Variants in THEMIS observed in about 807,000 individuals in gnomAD.
THEMIS encodes the protein thymocyte selection associated, also known as protein THEMIS.
THEMIS carries 37 observed loss-of-function variants against 52.6 expected under a neutral mutation model. That is an observed-to-expected ratio of 0.70 (90% CI 0.54 to 0.93). The LOEUF (loss-of-function observed/expected upper bound fraction) is 0.93. THEMIS is among the 40% of genes least tolerant of loss of function. The pLI, the probability that THEMIS is intolerant of heterozygous loss-of-function variation, is 0.00. For synonymous variants in THEMIS, 292 were observed against 272.7 expected (o/e 1.07, Z -0.70); for missense variants, 808 against 763.1 (o/e 1.06, Z -0.69).
chr6:127,903,615 G>A (rs1342860560), upstream of THEMIS, among the ~76,000 whole-genome samples: 1 of 151,630 alleles, frequency 6.6e-6, no homozygotes, highest in Non-Finnish European at 1.5e-5. Flanking sequence ...ATAGGAAAAT[G>A]TCTGGAAAAG....
intron 4 of THEMIS, among the ~76,000 whole-genome samples, chr6:127,785,872 C>T (rs1000208419): frequency 1.3e-5 from 2 of 151,952 alleles, no homozygotes; most frequent in East Asian, 3.8e-4. Context: ...TTTGAATTAG[C>T]CATTGTAATT....
intron 4 of THEMIS, among the ~76,000 whole-genome samples, chr6:127,758,862 T>C (rs1775923737): frequency 6.6e-6 from 1 of 152,160 alleles, no homozygotes; most frequent in Admixed American, 6.5e-5. Flanking sequence ...AATAAAAGTT[T>C]ACAAGACTTT....
At chr6:127,773,283 C>G (rs891597911) in intron 4 of THEMIS, among the ~76,000 whole-genome samples, 2 of 152,060 alleles carry the variant, frequency 1.3e-5, no homozygotes, top group Non-Finnish European at 2.9e-5. Context: ...TAAAGAATCA[C>G]CATTTTGATC....
At chr6:127,801,917 G>A (rs1315785058) in intron 4 of THEMIS, among the ~76,000 whole-genome samples, 1 of 152,134 alleles carries the variant, frequency 6.6e-6, no homozygotes, top group African/African-American at 2.4e-5. Context: ...AGAGAAATCT[G>A]GAGAACAGGC....
At chr6:127,727,694 T>A (rs1774598605) in intron 4 of THEMIS, among the ~76,000 whole-genome samples, 1 of 152,198 alleles carries the variant, frequency 6.6e-6, no homozygotes, top group African/African-American at 2.4e-5. Flanking sequence ...CTCATCTCAC[T>A]ATTTCTTCAA....
chr6:127,780,966 G>A (rs1776724090), intron 4 of THEMIS, among the ~76,000 whole-genome samples: 1 of 152,080 alleles, frequency 6.6e-6, no homozygotes, highest in Non-Finnish European at 1.5e-5. Flanking sequence ...AAGTTCTCCT[G>A]AATAATATCC....
At chr6:127,766,926 T>C (rs1002291574) in intron 4 of THEMIS, among the ~76,000 whole-genome samples, 1 of 152,134 alleles carries the variant, frequency 6.6e-6, no homozygotes, top group African/African-American at 2.4e-5. Flanking sequence ...CACTGTAAAC[T>C]TTGGCTACAT....
At chr6:127,899,091 A>G (rs1781058075) in intron 1 of THEMIS, among the ~76,000 whole-genome samples, 1 of 151,850 alleles carries the variant, frequency 6.6e-6, no homozygotes, top group Non-Finnish European at 1.5e-5. Context: ...AATTTACTGT[A>G]TATTTCAAAA....
intron 4 of THEMIS, among the ~76,000 whole-genome samples, chr6:127,775,683 G>A (rs1425265657): frequency 2.0e-5 from 3 of 150,758 alleles, no homozygotes; most frequent in Admixed American, 6.6e-5. Context: ...GGCAAAAAAC[G>A]ATCTTCTGTT....
intron 2 of THEMIS, among the ~76,000 whole-genome samples, chr6:127,834,020 T>C (rs1778789496): frequency 6.6e-6 from 1 of 152,210 alleles, no homozygotes; most frequent in South Asian, 2.1e-4. Flanking sequence ...AGTCTCCAGA[T>C]TTTGGTGTCA....
At chr6:127,875,459 T>A (rs74845689) in intron 1 of THEMIS, among the ~76,000 whole-genome samples, 3,056 of 151,998 alleles carry the variant, frequency 0.02, 131 homozygotes, top group African/African-American at 0.07. Flanking sequence ...GGCGAGTAGG[T>A]TTGTTGATAT....
At chr6:127,803,795 A>C (rs1777613209) in intron 4 of THEMIS, among the ~76,000 whole-genome samples, 1 of 152,194 alleles carries the variant, frequency 6.6e-6, no homozygotes, top group Non-Finnish European at 1.5e-5. Flanking sequence ...TCAGAATAGC[A>C]TGTCGGTAGG....
At chr6:127,824,955 AAAC>A (rs1339408174) in intron 3 of THEMIS, among the ~76,000 whole-genome samples, 23 of 151,958 alleles carry the variant, frequency 1.5e-4, no homozygotes, top group African/African-American at 5.3e-4. Flanking sequence ...CAAACAAACA[AAAC>A]TAACTGAAAT....
rs367793638 is a variant in THEMIS at position 127,799,652 on chromosome 6, A to G, written c.1758+13231T>C. On this transcript the variant is annotated intron_variant, in intron 4 of 5. Coordinates refer to ENST00000368248, the MANE Select transcript of THEMIS (RefSeq NM_001010923.3). ...AATAGTTCTTATATTGTTCACTAGTACCCAGTTTCCCTCTACTTTCAGGCT... is the reference window on the plus strand; with the variant it reads ...AATAGTTCTTATATTGTTCACTAGTGCCCAGTTTCCCTCTACTTTCAGGCT... Among the ~76,000 whole-genome samples the G allele has an allele frequency of 4.7e-5, 7 of 149,938 alleles. No homozygotes were observed. In the East Asian group the frequency reaches 1.2e-3, roughly 25 times the overall value.
chr6:127,866,549 A>G (rs1583372378), intron 1 of THEMIS, among the ~76,000 whole-genome samples: 1 of 152,048 alleles, frequency 6.6e-6, no homozygotes, highest in African/African-American at 2.4e-5. Context: ...AATAAATTCT[A>G]AAGATTCTAA....
chr6:127,767,371 C>T (rs1381191519), intron 4 of THEMIS, among the ~76,000 whole-genome samples: 7 of 152,140 alleles, frequency 4.6e-5, no homozygotes, highest in South Asian at 2.1e-4. Context: ...GGATTACAGA[C>T]GTGAGCCACC....
At chr6:127,825,672 C>T (rs1778483326) in intron 3 of THEMIS, among the ~76,000 whole-genome samples, 1 of 152,008 alleles carries the variant, frequency 6.6e-6, no homozygotes, top group South Asian at 2.1e-4. Context: ...CAGGGCAGCA[C>T]CTATGCAGTT....
At chr6:127,716,040 A>G (rs1231245110) in intron 5 of THEMIS, among the ~76,000 whole-genome samples, 1 of 151,870 alleles carries the variant, frequency 6.6e-6, no homozygotes, top group Non-Finnish European at 1.5e-5. Flanking sequence ...CTAATTTATG[A>G]AGGACAAGCA....
intron 1 of THEMIS, among the ~76,000 whole-genome samples, chr6:127,859,848 A>G (rs1054567886): frequency 6.6e-6 from 1 of 152,148 alleles, no homozygotes; most frequent in Non-Finnish European, 1.5e-5. Context: ...TATGGCTGAT[A>G]GTGTCTGATA....
Sources: allele counts gnomAD v4.1 joint callset (sites outside exome capture counted in the v4.1 genomes callset), GRCh38; gene constraint gnomAD v4.1.1; transcripts MANE v1.5; gene names NCBI Gene and HGNC (gene_info 2026-07-23, HGNC 2026-07-21).